ABHD12: variants seen among roughly 807,000 people sequenced by gnomAD.
ABHD12 encodes abhydrolase domain containing 12, lysophospholipase, also known as lysophosphatidylserine lipase ABHD12.
ABHD12 carries 43 observed loss-of-function variants against 58.3 expected under a neutral mutation model. The observed-to-expected ratio is 0.74, with a 90% CI of 0.58 to 0.95. The LOEUF (loss-of-function observed/expected upper bound fraction) is 0.95. Among genes scored for constraint, ABHD12 ranks in the 40% least tolerant of loss-of-function variants. The pLI is 0.00. For synonymous variants in ABHD12, 219 were observed against 211.2 expected (o/e 1.04, Z -0.32); for missense variants, 539 against 537.2 (o/e 1.00, Z -0.03).
intron 2 of ABHD12, 150 bp downstream of exon 2, chr20:25,339,077 G>T: frequency 7.0e-7 from 1 of 1,427,038 alleles, no homozygotes; most frequent in Non-Finnish European, 9.4e-7. Flanking sequence ...TAAAGATATA[G>T]GTATATAAAC....
At chr20:25,386,119 A>C (rs2090086959) in intron 1 of ABHD12, among the ~76,000 whole-genome samples, 1 of 148,780 alleles carries the variant, frequency 6.7e-6, no homozygotes, top group South Asian at 2.1e-4. Context: ...AATAATAATA[A>C]TAATAAAAAT....
intron 2 of ABHD12, among the ~76,000 whole-genome samples, chr20:25,335,879 G>T (rs1479280967): frequency 2.6e-4 from 39 of 150,002 alleles, no homozygotes; most frequent in Non-Finnish European, 2.2e-4. Flanking sequence ...AGTGGGTGCA[G>T]CACACCAGCA....
intron 2 of ABHD12, among the ~76,000 whole-genome samples, chr20:25,333,676 CCAG>C (rs1303826406): frequency 1.3e-5 from 2 of 151,748 alleles, no homozygotes; most frequent in Non-Finnish European, 2.9e-5. Context: ...TAAATGTAAT[CCAG>C]CATATAAACA....
At chr20:25,386,824 T>C (rs774028730) in intron 1 of ABHD12, among the ~76,000 whole-genome samples, 2 of 151,986 alleles carry the variant, frequency 1.3e-5, no homozygotes, top group Non-Finnish European at 2.9e-5. Flanking sequence ...GAAGTTGCAG[T>C]GACCCGAGAT....
rs551146913 is a variant in ABHD12 at position 25,312,135 on chromosome 20, A to G, written c.620-2560T>C. Among the ~76,000 whole-genome samples, 766 of 152,188 alleles carry G rather than the reference A, an allele frequency of 5.0e-3. 3 individuals carry two copies. Among genetic ancestry groups the G allele is most frequent in the Non-Finnish European group, 7.3e-3 (496 of 67,988 alleles). On this transcript the variant is annotated intron_variant, in intron 6 of 12. Coordinates refer to ENST00000339157, the MANE Select transcript of ABHD12 (RefSeq NM_001042472.3). ...GTAGTTCAAGACCAGCCTGGGCAACATGGCGAAACCCTCTCTTAAAAAAAA... is the reference window on the plus strand; with the variant it reads ...GTAGTTCAAGACCAGCCTGGGCAACGTGGCGAAACCCTCTCTTAAAAAAAA...
At chr20:25,318,824 A>G (rs1354395626) in intron 4 of ABHD12, among the ~76,000 whole-genome samples, 1 of 152,216 alleles carries the variant, frequency 6.6e-6, no homozygotes, top group Non-Finnish European at 1.5e-5. Flanking sequence ...TGTCCCAGAC[A>G]AAGAAGAAAG....
At chr20:25,296,495 C>G (rs1335358365), downstream of ABHD12, 1 of 1,613,692 alleles carries the variant, frequency 6.2e-7, no homozygotes, top group Non-Finnish European at 8.5e-7. Flanking sequence ...ACCTGCAGAT[C>G]CCGCCCCCCA....
At chr20:25,346,371 G>T (rs2089518724) in intron 1 of ABHD12, among the ~76,000 whole-genome samples, 1 of 152,218 alleles carries the variant, frequency 6.6e-6, no homozygotes, top group Admixed American at 6.5e-5. Context: ...TGAAACTATT[G>T]TGTATGATAC....
At position 25,314,678 on chromosome 20, in the gene ABHD12, TA is replaced by T. The variant is rs767083258; in HGVS notation, c.619+246del. Among the ~76,000 whole-genome samples, 4,479 of 134,160 alleles carry T rather than the reference TA, an allele frequency of 0.033. 144 individuals carry two copies. The highest frequency in any genetic ancestry group is 0.093 in the African/African-American group (3,396 of 36,508). 88.0% of individuals were successfully genotyped at this position (134,160 alleles called of 152,430 possible). A position where few individuals can be genotyped will look rare whatever the true frequency, so the allele number is the denominator to read the frequency against. Reference sequence around the variant, plus strand: ...TGGGTGACAAAGTGAGATCCTATCTTAAAAAAAAAAAAAAAAAAGTTGCTGA... The same window carrying T: ...TGGGTGACAAAGTGAGATCCTATCTTAAAAAAAAAAAAAAAAAGTTGCTGA... On this transcript the variant is annotated intron_variant, in intron 6 of 12. Coordinates refer to ENST00000339157, the MANE Select transcript of ABHD12 (RefSeq NM_001042472.3).
At position 25,390,797 on chromosome 20, in the gene ABHD12, G is replaced by A. The variant is rs536190889; in HGVS notation, c.-94C>T. 5.2e-3 allele frequency: 4,454 copies of A among 854,606 alleles called. 157 individuals are homozygous for A. In the African/African-American group the frequency reaches 0.072, roughly 14 times the overall value. 52.9% of individuals were successfully genotyped at this position (854,606 alleles called of 1,614,324 possible). On this transcript the variant is annotated 5_prime_UTR_variant, in exon 1 of 13. Coordinates refer to ENST00000339157, the MANE Select transcript of ABHD12 (RefSeq NM_001042472.3). ...CGCCGCCACCCAGAGCCCGGAGCCC[G>A]GAACCCGCCGCTCCTCACATCCCAG...
At chr20:25,356,086 T>C (rs550415730) in intron 1 of ABHD12, among the ~76,000 whole-genome samples, 38 of 152,310 alleles carry the variant, frequency 2.5e-4, no homozygotes, top group African/African-American at 8.4e-4. Flanking sequence ...CCTGTTTCTA[T>C]TGATGCAGTT....
Position 25,306,911 on chromosome 20 carries a change from T to C in ABHD12, c.872A>G (p.Tyr291Cys), listed in dbSNP as rs2088753820. The part of the protein sequence containing the change: ...EAKSHPFSVI[Y>C]RYFPGFDWFF... ...CCAGTCAAACCCAGGGAAGTATCGA[T>C]ATATCTGGAGACAAGATGGAAACCA... is the stretch of plus-strand genomic sequence containing the variant. The change falls in exon 10 of 13, where the codon TAT becomes TGT. Residue 291 changes from tyrosine to cysteine, a missense_variant. Tyr to Cys is a radical substitution (Grantham distance 194). Transcript: ENST00000339157. 1 of 1,609,196 alleles carries C rather than the reference T, an allele frequency of 6.2e-7. No individual in the cohort carries two copies. The highest frequency in any genetic ancestry group is 1.7e-5 in the Admixed American group (1 of 60,006).
intron 1 of ABHD12, among the ~76,000 whole-genome samples, chr20:25,379,279 TTAA>T (rs2089995266): frequency 6.6e-6 from 1 of 152,172 alleles, no homozygotes; most frequent in Non-Finnish European, 1.5e-5. Flanking sequence ...TTTAAAAACA[TTAA>T]ATGTCAGAAA....
intron 2 of ABHD12, among the ~76,000 whole-genome samples, chr20:25,334,229 T>TCC (rs2089325192): frequency 6.6e-6 from 1 of 151,168 alleles, no homozygotes; most frequent in Non-Finnish European, 1.5e-5. Flanking sequence ...ATAAAATACT[T>TCC]AGGAATCCAA....
chr20:25,341,249 C>T (rs890619027), intron 1 of ABHD12, among the ~76,000 whole-genome samples: 2 of 152,186 alleles, frequency 1.3e-5, no homozygotes, highest in Admixed American at 1.3e-4. Context: ...TGAGAGGTAC[C>T]TGCTGCTGGG....
At chr20:25,322,377 ATATAT>A (rs201377298) in intron 3 of ABHD12, among the ~76,000 whole-genome samples, 6 of 42,276 alleles carry the variant, frequency 1.4e-4, no homozygotes, top group African/African-American at 5.3e-4. Flanking sequence ...ATATATATAT[ATATAT>A]TTTTTTTTTT....
chr20:25,333,242 C>A (rs894845486), intron 2 of ABHD12, among the ~76,000 whole-genome samples: 1 of 113,348 alleles, frequency 8.8e-6, no homozygotes, highest in African/African-American at 3.0e-5. Flanking sequence ...ATACACCCTC[C>A]GAAGACTAAA....
chr20:25,389,687 A>C (rs549357592), intron 1 of ABHD12, among the ~76,000 whole-genome samples: 1 of 152,334 alleles, frequency 6.6e-6, no homozygotes, highest in African/African-American at 2.4e-5. Context: ...CCAATAACCC[A>C]AAGGTTATTG....
rs1424187500 is a variant in ABHD12 at position 25,303,576 on chromosome 20, C to T, written c.1003G>A (p.Val335Met). Reference sequence around the variant, plus strand: ...TTTCTGCCAAGCTGGAAGGGCACCACCGGGTCGTCCTCAGCGTGCAGGATG... The same window carrying T: ...TTTCTGCCAAGCTGGAAGGGCACCATCGGGTCGTCCTCAGCGTGCAGGATG... ...LLILHAEDDP[V>M]VPFQLGRKLY... is the part of the protein sequence containing the mutation. The change falls in exon 11 of 13, where the codon GTG becomes ATG. Residue 335 changes from valine (V) to methionine (M), a missense_variant. Coordinates refer to ENST00000339157, the MANE Select transcript of ABHD12 (RefSeq NM_001042472.3). 1.2e-6 allele frequency: 2 copies of T among 1,613,726 alleles called. No homozygotes were observed. The highest frequency in any genetic ancestry group is 1.3e-5 in the African/African-American group (1 of 74,928).
Sources: allele counts gnomAD v4.1 joint callset (sites outside exome capture counted in the v4.1 genomes callset), GRCh38; gene constraint gnomAD v4.1.1; transcripts MANE v1.5; gene names NCBI Gene and HGNC (gene_info 2026-07-23, HGNC 2026-07-21).